Variants in PAK4 observed in about 807,000 individuals in gnomAD.
The protein encoded by PAK4 is p21 (RAC1) activated kinase 4, also known as serine/threonine-protein kinase PAK 4.
PAK4 carries 49 observed loss-of-function variants against 53.5 expected under a neutral mutation model. That is an observed-to-expected ratio of 0.92 (90% CI 0.73 to 1.16). PAK4 has a LOEUF of 1.16. Ranked by LOEUF, PAK4 falls within the 50% of genes most tolerant of loss-of-function variation. The pLI is 0.00. For missense variants in PAK4, 824 were observed against 850.7 expected, an observed-to-expected ratio of 0.97 and a Z score of 0.39; for synonymous variants, 376 against 375.6, an observed-to-expected ratio of 1.00 and a Z score of -0.01.
intron 1 of PAK4, among the ~76,000 whole-genome samples, chr19:39,128,747 C>G (rs2073641032): frequency 6.6e-6 from 1 of 152,228 alleles, no homozygotes; most frequent in Admixed American, 6.5e-5. Flanking sequence ...CAGGGGCAGC[C>G]TCTGTCCTGG....
At position 39,173,051 on chromosome 19, in the gene PAK4, A is replaced by G. The variant is rs1393848826; in HGVS notation, c.338A>G (p.Gln113Arg). ...CCGCCGCCGCCCGCCCGTGCCCGCC[A>G]GGAAAATGGGATGCCAGAGGAGCCG... is the stretch of plus-strand genomic sequence containing the variant. The change falls in exon 3 of 9, where the codon CAG (glutamine) becomes CGG (arginine). Residue 113 changes from glutamine to arginine, a missense_variant. By Grantham distance (43) the Gln-to-Arg change is conservative. This residue lies in a region of PAK4 where 478 missense variants were observed against 435.8 expected (regional missense o/e 1.10). Coordinates refer to ENST00000358301, the Ensembl canonical transcript of PAK4. This position sits in a 1 kb window ranked among gnomAD's most constrained non-coding sequence, Gnocchi z 6.9. 2 of 1,549,048 alleles carry G rather than the reference A, an allele frequency of 1.3e-6. No individual in the cohort carries two copies. Among genetic ancestry groups the G allele is most frequent in the Middle Eastern group, 4.1e-4 (2 of 4,900 alleles).
At chr19:39,157,131 C>T (rs1403985991) in intron 1 of PAK4, among the ~76,000 whole-genome samples, 2 of 152,066 alleles carry the variant, frequency 1.3e-5, no homozygotes, top group African/African-American at 4.8e-5. Flanking sequence ...GACTGTGCCT[C>T]ACTCAGTCAC....
At chr19:39,128,754 C>G (rs928369231) in intron 1 of PAK4, among the ~76,000 whole-genome samples, 12 of 152,194 alleles carry the variant, frequency 7.9e-5, no homozygotes, top group African/African-American at 2.2e-4. Flanking sequence ...AGCCTCTGTC[C>G]TGGGTGTGGC....
chr19:39,126,437 C>G (rs1157666815), intron 1 of PAK4, among the ~76,000 whole-genome samples: 3 of 2,056 alleles, frequency 1.5e-3, no homozygotes. Context: ...GGGCGTATTG[C>G]GGGGGACGGG....
intron 1 of PAK4, among the ~76,000 whole-genome samples, chr19:39,142,016 C>T (rs1415842422): frequency 6.6e-6 from 1 of 152,102 alleles, no homozygotes; most frequent in Admixed American, 6.5e-5. Flanking sequence ...CCCTTTGTTA[C>T]CCAGGCTGAA....
At chr19:39,170,056 GCTGCTGTACCCCGGACCACACTC>G (rs2074449997) in intron 2 of PAK4, among the ~76,000 whole-genome samples, 1 of 152,114 alleles carries the variant, frequency 6.6e-6, no homozygotes, top group African/African-American at 2.4e-5. Flanking sequence ...CGGGGGCCAT[GCTGCTGTACCCCGGACCACACTC>G]CTGTCTCACC....
intron 1 of PAK4, among the ~76,000 whole-genome samples, chr19:39,166,968 G>A (rs908636012): frequency 2.0e-5 from 3 of 152,206 alleles, no homozygotes; most frequent in East Asian, 1.9e-4. Flanking sequence ...GCAAATATCC[G>A]GAGGCGTGCC....
At chr19:39,145,802 G>C (rs73930300) in intron 1 of PAK4, among the ~76,000 whole-genome samples, 2,798 of 147,062 alleles carry the variant, frequency 0.019, 89 homozygotes, top group African/African-American at 0.065. Flanking sequence ...CCCGCCCACT[G>C]CCCACCCTCA....
intron 1 of PAK4, among the ~76,000 whole-genome samples, chr19:39,149,201 T>A (rs2074054952): frequency 6.6e-6 from 1 of 152,166 alleles, no homozygotes; most frequent in South Asian, 2.1e-4. Flanking sequence ...ACACCCAGGC[T>A]CATCACAGCA....
In PAK4 at chr19:39,178,321, C is replaced by A; in HGVS notation, c.1621-103C>A. ...GACCTCCGCCCCCTGCCCTCCTGCA[C>A]AGTACATGCCGCCAGCCGACTTGGC... is the stretch of plus-strand genomic sequence containing the variant. On this transcript the variant is annotated intron_variant, in intron 8 of 8. Coordinates refer to ENST00000358301, the Ensembl canonical transcript of PAK4. This position sits in a 1 kb window ranked among gnomAD's most constrained non-coding sequence, Gnocchi z 4.4. 1 of 1,294,168 alleles carries A rather than the reference C, an allele frequency of 7.7e-7. No individual in the cohort carries two copies. The highest frequency in any genetic ancestry group is 1.1e-6 in the Non-Finnish European group (1 of 937,648). 80.2% of individuals were successfully genotyped at this position (1,294,168 alleles called of 1,614,324 possible).
At chr19:39,137,172 A>G (rs531006297) in intron 1 of PAK4, among the ~76,000 whole-genome samples, 1 of 151,786 alleles carries the variant, frequency 6.6e-6, no homozygotes, top group Non-Finnish European at 1.5e-5. Flanking sequence ...TTTTTTTCCA[A>G]CAAATTTGGT....
rs111386450 is a variant in PAK4, at chr19:39,176,189, C to T, written c.1360-401C>T. 5.3e-3 allele frequency among the ~76,000 whole-genome samples: 804 copies of T among 152,358 alleles called. 6 individuals are homozygous for T. The highest frequency in any genetic ancestry group is 8.1e-3 in the South Asian group (39 of 4,830). On this transcript the variant is annotated intron_variant, in intron 6 of 8. Transcript: ENST00000358301. ...CGCAAAGGCAGGCTGTGTCCCCTCA[C>T]GGCCCTAGTGCAGGGCTACTTTCTG... is the stretch of plus-strand genomic sequence containing the variant.
In PAK4 at chr19:39,175,043, C is replaced by T. The variant is rs946091588; in HGVS notation, c.1211C>T (p.Thr404Ile). Reference sequence around the variant, plus strand: ...GAGTTCCTGGAAGGAGGCGCCCTCACCGACATCGTCACCCACACCAGGTAT... The same window carrying T: ...GAGTTCCTGGAAGGAGGCGCCCTCATCGACATCGTCACCCACACCAGGTAT... The change falls in exon 5 of 9, where the codon ACC becomes ATC. Residue 404 changes from threonine to isoleucine, a missense_variant. Transcript: ENST00000358301. This position sits in a 1 kb window ranked among gnomAD's most constrained non-coding sequence, Gnocchi z 4.7. 1.2e-6 allele frequency: 2 copies of T among 1,612,524 alleles called. No homozygotes were observed. The highest frequency in any genetic ancestry group is 8.5e-7 in the Non-Finnish European group (1 of 1,179,194).
At chr19:39,146,667 C>T (rs886951459) in intron 1 of PAK4, among the ~76,000 whole-genome samples, 4 of 151,990 alleles carry the variant, frequency 2.6e-5, no homozygotes, top group Non-Finnish European at 4.4e-5. Flanking sequence ...TGGGGAGACA[C>T]CATCTCTTCA....
intron 1 of PAK4, among the ~76,000 whole-genome samples, chr19:39,158,210 T>C (rs2074223791): frequency 6.6e-6 from 1 of 151,468 alleles, no homozygotes; most frequent in African/African-American, 2.4e-5. Context: ...TATGTGCATG[T>C]GTGGGTGTGC....
chr19:39,141,472 T>A (rs575645349), intron 1 of PAK4, among the ~76,000 whole-genome samples: 2 of 148,468 alleles, frequency 1.3e-5, no homozygotes, highest in African/African-American at 5.0e-5. Flanking sequence ...TGTGCCATGA[T>A]GCCCGGCTAA....
At chr19:39,177,689 G>T (rs151137853) in exon 8 of PAK4, 7 of 1,613,048 alleles carry the variant, frequency 4.3e-6, no homozygotes, top group South Asian at 2.2e-5. Flanking sequence ...ACATCTGGTC[G>T]CTGGGGATAA....
chr19:39,141,895 G>A (rs1289915848), intron 1 of PAK4, among the ~76,000 whole-genome samples: 1 of 152,240 alleles, frequency 6.6e-6, no homozygotes, highest in Non-Finnish European at 1.5e-5. Context: ...CCAAAATGTT[G>A]GGATTATAGG....
At chr19:39,149,087 T>C (rs946169355) in intron 1 of PAK4, among the ~76,000 whole-genome samples, 3 of 152,122 alleles carry the variant, frequency 2.0e-5, no homozygotes, top group Non-Finnish European at 4.4e-5. Context: ...GAATGTAAAA[T>C]GGTGCTGTCG....
Sources: gnomAD v4.1 joint callset for allele counts (sites outside exome capture counted in the v4.1 genomes callset) on GRCh38, gnomAD v4.1.1 for gene constraint, gnomAD v4.1.1 regional missense constraint, Gnocchi (gnomAD v3.1) non-coding constraint, MANE v1.5 for transcripts, NCBI Gene and HGNC (gene_info 2026-07-23, HGNC 2026-07-21) for gene names.